ELOVL5: variants seen among roughly 807,000 people sequenced by gnomAD.
ELOVL5 encodes the protein ELOVL fatty acid elongase 5.
A neutral mutation model predicts 38.6 loss-of-function variants in ELOVL5; 8 were observed. The observed-to-expected ratio is 0.21, with a 90% CI of 0.12 to 0.37. The LOEUF is 0.37. Ranked by LOEUF, ELOVL5 falls within the 10% of genes least tolerant of loss-of-function variation. ELOVL5 has a pLI of 1.00. For synonymous variants in ELOVL5, 127 were observed against 133.7 expected (o/e 0.95, Z 0.34); for missense variants, 280 against 367.8 (o/e 0.76, Z 1.95).
rs76738392 is a variant in ELOVL5, at chr6:53,323,291, G to A, written c.-9+25526C>T. Among the ~76,000 whole-genome samples the A allele has an allele frequency of 8.1e-3, 1,231 of 152,246 alleles. 18 individuals are homozygous for A. Among genetic ancestry groups the A allele is most frequent in the African/African-American group, 0.025 (1,038 of 41,534 alleles). On this transcript the variant is annotated intron_variant, in intron 1 of 7. Coordinates refer to ENST00000304434, the MANE Select transcript of ELOVL5 (RefSeq NM_021814.5). Reference sequence around the variant, plus strand: ...CAAGACAATCTAACACCAAGACAATGGTGTAAAATATAGAATGTCAGTGAG... The same window carrying A: ...CAAGACAATCTAACACCAAGACAATAGTGTAAAATATAGAATGTCAGTGAG...
chr6:53,339,525 C>G (rs997663010), intron 1 of ELOVL5, among the ~76,000 whole-genome samples: 1 of 152,160 alleles, frequency 6.6e-6, no homozygotes, highest in Non-Finnish European at 1.5e-5. Context: ...AATATAGTCA[C>G]GCATCGCATA....
At chr6:53,278,150 T>A (rs554439792) in intron 3 of ELOVL5, among the ~76,000 whole-genome samples, 1 of 152,334 alleles carries the variant, frequency 6.6e-6, no homozygotes, top group East Asian at 1.9e-4. Context: ...ATCTTAAATC[T>A]GGAACCTACC....
intron 1 of ELOVL5, among the ~76,000 whole-genome samples, chr6:53,343,764 T>A (rs1769426602): frequency 6.6e-6 from 1 of 152,224 alleles, no homozygotes; most frequent in African/African-American, 2.4e-5. Context: ...TCCAATCTTC[T>A]CAAATTACTT....
At chr6:53,333,330 G>A (rs1306287621) in intron 1 of ELOVL5, among the ~76,000 whole-genome samples, 4 of 152,142 alleles carry the variant, frequency 2.6e-5, no homozygotes, top group South Asian at 2.1e-4. Flanking sequence ...TGCTTTCTTC[G>A]TTTGGAAAAC....
At chr6:53,296,042 G>A (rs1188173641) in intron 1 of ELOVL5, among the ~76,000 whole-genome samples, 2 of 152,118 alleles carry the variant, frequency 1.3e-5, no homozygotes, top group Non-Finnish European at 2.9e-5. Flanking sequence ...TGGCAGACAG[G>A]AAGAGATCCT....
chr6:53,339,450 A>G (rs1769225597), intron 1 of ELOVL5, among the ~76,000 whole-genome samples: 1 of 152,244 alleles, frequency 6.6e-6, no homozygotes, highest in African/African-American at 2.4e-5. Context: ...GGCCCAGCAC[A>G]GTGGCCCTTA....
chr6:53,344,523 C>T (rs752515460), intron 1 of ELOVL5, among the ~76,000 whole-genome samples: 1 of 152,164 alleles, frequency 6.6e-6, no homozygotes, highest in East Asian at 1.9e-4. Context: ...CCTTAGGAGA[C>T]GGAGCAGGCC....
At chr6:53,333,636 A>T (rs1266669540) in intron 1 of ELOVL5, among the ~76,000 whole-genome samples, 4 of 152,208 alleles carry the variant, frequency 2.6e-5, no homozygotes, top group Non-Finnish European at 1.5e-5. Flanking sequence ...CAAAGGACAA[A>T]GGGAAGGGAG....
chr6:53,305,772 C>A (rs1215320458), intron 1 of ELOVL5, among the ~76,000 whole-genome samples: 2 of 151,792 alleles, frequency 1.3e-5, no homozygotes, highest in East Asian at 3.9e-4. Context: ...GGCGGCCAGG[C>A]AGAGACGCTC....
intron 1 of ELOVL5, among the ~76,000 whole-genome samples, chr6:53,306,047 T>C (rs1051715499): frequency 1.3e-5 from 2 of 150,240 alleles, no homozygotes; most frequent in African/African-American, 4.9e-5. Flanking sequence ...ACCAAAAAAA[T>C]AAGAAAACCA....
chr6:53,269,007 A>G lies in ELOVL5; in HGVS notation c.*120T>C, dbSNP rs369634758. ...GTTTTGAATTGATGAAAGAAGTCCT[A>G]CATGAATCACACTATTGTAGGCCAG... On this transcript the variant is annotated 3_prime_UTR_variant, in exon 8 of 8. Transcript: ENST00000304434. 915 of 1,151,234 alleles carry G rather than the reference A, an allele frequency of 7.9e-4. 6 individuals carry two copies. The highest frequency in any genetic ancestry group is 6.7e-3 in the Middle Eastern group (22 of 3,306). The allele number at this position is 1,151,234 out of a possible 1,614,324, so 71.3% of individuals were successfully genotyped here.
intron 1 of ELOVL5, among the ~76,000 whole-genome samples, chr6:53,343,291 T>C (rs912680618): frequency 6.6e-6 from 1 of 151,160 alleles, no homozygotes; most frequent in Non-Finnish European, 1.5e-5. Context: ...CGGCTCACTG[T>C]AACCTCCGCC....
rs771753121 is a variant in ELOVL5, at chr6:53,275,225, G to A, written c.361C>T (p.Leu121Phe). ...RVLWWYYFSK[L>F]IEFMDTFFFI... ...AAGAAAGTGTCCATAAATTCTATGAGTTTGGAGAAGTAGTACCACCAGAGG... is the reference window on the plus strand; with the variant it reads ...AAGAAAGTGTCCATAAATTCTATGAATTTGGAGAAGTAGTACCACCAGAGG... Residue 121 changes from leucine (L) to phenylalanine (F), a missense_variant, in exon 5 of 8, where the codon CTC (leucine) becomes TTC (phenylalanine). Physicochemically the swap from Leu to Phe is conservative, Grantham distance 22 (BLOSUM62 0). Transcript: ENST00000304434. 12 of 1,614,068 alleles carry A rather than the reference G, an allele frequency of 7.4e-6. No individual in the cohort carries two copies. In the Admixed American group the frequency reaches 1.7e-4, roughly 22 times the overall value.
chr6:53,299,777 T>C (rs1240687253), intron 1 of ELOVL5, among the ~76,000 whole-genome samples: 2 of 152,200 alleles, frequency 1.3e-5, no homozygotes, highest in African/African-American at 4.8e-5. Flanking sequence ...AAATGTGTTC[T>C]CTACAAAAGC....
intron 1 of ELOVL5, among the ~76,000 whole-genome samples, chr6:53,326,084 T>C (rs747455140): frequency 1.3e-5 from 2 of 152,154 alleles, no homozygotes; most frequent in Non-Finnish European, 2.9e-5. Context: ...CATGAAGAGA[T>C]ATAGAGGTGT....
chr6:53,348,456 T>G (rs1769676056), intron 1 of ELOVL5, among the ~76,000 whole-genome samples: 3 of 151,746 alleles, frequency 2.0e-5, no homozygotes, highest in Non-Finnish European at 4.4e-5. Flanking sequence ...GGCGGACAGA[T>G]CCATCCCTCC....
intron 1 of ELOVL5, among the ~76,000 whole-genome samples, chr6:53,316,991 A>C (rs1486718988): frequency 6.6e-6 from 1 of 152,216 alleles, no homozygotes; most frequent in Non-Finnish European, 1.5e-5. Flanking sequence ...GTTCTCTTAC[A>C]GGGAAAAATA....
intron 1 of ELOVL5, among the ~76,000 whole-genome samples, chr6:53,317,545 A>G (rs1455202936): frequency 6.6e-6 from 1 of 152,074 alleles, no homozygotes; most frequent in Non-Finnish European, 1.5e-5. Flanking sequence ...TCGCAAGGAC[A>G]AAAAAACCAA....
At chr6:53,290,887 T>C (rs890123454) in intron 3 of ELOVL5, among the ~76,000 whole-genome samples, 9 of 152,090 alleles carry the variant, frequency 5.9e-5, no homozygotes, top group African/African-American at 2.2e-4. Context: ...TTACTACTCC[T>C]TGAAGAACTA....
Sources: allele counts gnomAD v4.1 joint callset (sites outside exome capture counted in the v4.1 genomes callset), GRCh38; gene constraint gnomAD v4.1.1; transcripts MANE v1.5; gene names NCBI Gene and HGNC (gene_info 2026-07-23, HGNC 2026-07-21).